Variants in LPIN1 observed in about 807,000 individuals in gnomAD.
The protein encoded by LPIN1 is lipin 1, also known as phosphatidate phosphatase LPIN1.
In LPIN1, 71 loss-of-function variants were observed where a neutral mutation model predicts 107.5. The ratio of observed to expected loss-of-function variants is 0.66; its 90% CI spans 0.55 to 0.80. The LOEUF is 0.80. Among genes scored for constraint, LPIN1 ranks in the 30% least tolerant of loss-of-function variants. LPIN1 has a pLI of 0.00. For synonymous variants in LPIN1, 445 were observed against 452.6 expected (o/e 0.98, Z 0.21); for missense variants, 1,043 against 1,160.6 (o/e 0.90, Z 1.47).
At chr2:11,719,982 C>T (rs868294640), upstream of LPIN1, among the ~76,000 whole-genome samples, 12 of 151,886 alleles carry the variant, frequency 7.9e-5, no homozygotes, top group South Asian at 2.1e-3. Flanking sequence ...ATTTCCAATC[C>T]TCCCTTTTAT....
chr2:11,775,972 C>T, intron 5 of LPIN1, 114 bp from the exon 6 acceptor site: 1 of 268,988 alleles, frequency 3.7e-6, no homozygotes, highest in Admixed American at 5.2e-5. Context: ...TTTATATAAT[C>T]TTATATATAA....
chr2:11,746,605 C>T (rs1362417334), upstream of LPIN1: 5 of 985,026 alleles, frequency 5.1e-6, no homozygotes, highest in Admixed American at 1.8e-4. Flanking sequence ...CGAAGGCGAG[C>T]TGCGCTGACA....
intron 1 of LPIN1, among the ~76,000 whole-genome samples, chr2:11,759,980 G>A (rs1201530344): frequency 9.0e-5 from 11 of 122,664 alleles, no homozygotes; most frequent in East Asian, 5.2e-4. Context: ...GCTGCCGGGC[G>A]GAGGGGCTCC....
At chr2:11,787,465 G>A (rs992440276) in intron 11 of LPIN1, among the ~76,000 whole-genome samples, 1 of 136,624 alleles carries the variant, frequency 7.3e-6, no homozygotes, top group African/African-American at 2.9e-5. Flanking sequence ...CAGTGGTGCA[G>A]TTGTAGCTCA....
chr2:11,706,831 T>C (rs937204477), intron 1 of LPIN1, among the ~76,000 whole-genome samples: 1 of 152,162 alleles, frequency 6.6e-6, no homozygotes. Context: ...CTAAAAGATG[T>C]TTCTAGGTAA....
rs1451502638 is a variant in LPIN1 at position 11,765,456 on chromosome 2, G to T, written c.-9-77G>T. Reference sequence around the variant, plus strand: ...GTGTGTAATCCACGTTTTTGAAATGGTGAGGAGTTCATTTTGATTGGCTCT... The same window carrying T: ...GTGTGTAATCCACGTTTTTGAAATGTTGAGGAGTTCATTTTGATTGGCTCT... On this transcript the variant is annotated intron_variant, in intron 1 of 20. Coordinates refer to ENST00000674199, the MANE Select transcript of LPIN1 (RefSeq NM_001349206.2). The surrounding 1 kb of genome is among the most constrained non-coding windows in gnomAD (Gnocchi z 4.4). 10 of 1,362,290 alleles carry T rather than the reference G, an allele frequency of 7.3e-6. No homozygotes were observed. The highest frequency in any genetic ancestry group is 2.9e-5 in the African/African-American group (2 of 69,592). The allele number at this position is 1,362,290 out of a possible 1,614,324, so 84.4% of individuals were successfully genotyped here.
chr2:11,706,312 G>A, intron 1 of LPIN1, among the ~76,000 whole-genome samples: 1 of 152,206 alleles, frequency 6.6e-6, no homozygotes, highest in East Asian at 1.9e-4. Context: ...CCCATTAGGA[G>A]GCAGGCAGAA....
Position 11,784,802 on chromosome 2 carries a change from G to A in LPIN1, c.1359-84G>A, listed in dbSNP as rs796607807. 2.6e-5 allele frequency: 34 copies of A among 1,316,098 alleles called. No homozygotes were observed. The African/African-American group carries it at 4.5e-4, about 17-fold the overall frequency. 81.5% of individuals were successfully genotyped at this position (1,316,098 alleles called of 1,614,324 possible). A position where few individuals can be genotyped will look rare whatever the true frequency, so the allele number is the denominator to read the frequency against. On this transcript the variant is annotated intron_variant, in intron 9 of 20. Transcript: ENST00000674199. ...CGTCTGCGGCTCTGAGGGTGGCCGC[G>A]TGCCAGAGCATCACTGGATGGTGAT...
chr2:11,791,694 A>G, intron 12 of LPIN1: 5 of 1,386,220 alleles, frequency 3.6e-6, no homozygotes, highest in Non-Finnish European at 4.8e-6. Flanking sequence ...TTATTCCTTT[A>G]ACATCTTCTT....
chr2:11,795,594 G>T (rs1044566564), intron 14 of LPIN1, 107 bp downstream of exon 14: 9 of 1,041,120 alleles, frequency 8.6e-6, no homozygotes, highest in Non-Finnish European at 9.0e-6. Context: ...TCCAACTCTG[G>T]CTCTGTGATT....
intron 1 of LPIN1, among the ~76,000 whole-genome samples, chr2:11,725,199 T>G (rs1664498485): frequency 1.3e-5 from 2 of 152,204 alleles, no homozygotes; most frequent in South Asian, 4.1e-4. Context: ...AGGCAGAGCC[T>G]GCATTGAGCT....
intron 1 of LPIN1, among the ~76,000 whole-genome samples, chr2:11,740,497 A>G (rs1666230339): frequency 6.6e-6 from 1 of 151,998 alleles, no homozygotes; most frequent in Non-Finnish European, 1.5e-5. Flanking sequence ...CCTAAGCAAC[A>G]TGGCGAAACC....
intron 1 of LPIN1, among the ~76,000 whole-genome samples, chr2:11,680,144 G>A (rs1661634957): frequency 6.6e-6 from 1 of 152,206 alleles, no homozygotes; most frequent in Admixed American, 6.5e-5. Flanking sequence ...GGAGATGTGG[G>A]TGGGAGAGGT....
At position 11,791,351 on chromosome 2, in the gene LPIN1, TTTAATCTCCCCA is replaced by T. The variant is rs1675688131; in HGVS notation, c.1714-558_1714-547del. 3.3e-5 allele frequency among the ~76,000 whole-genome samples: 5 copies of T among 152,336 alleles called. No homozygotes were observed. In the South Asian group the frequency reaches 1.0e-3, roughly 32 times the overall value. ...AAACGTAGAAAATTATCAATTCATA[TTTAATCTCCCCA>T]TTAAACCCATTTACCTAAAAGTATG... On this transcript the variant is annotated intron_variant, in intron 12 of 20. Coordinates refer to ENST00000674199, the MANE Select transcript of LPIN1 (RefSeq NM_001349206.2).
At chr2:11,782,812 T>G (rs1455725957) in intron 8 of LPIN1, among the ~76,000 whole-genome samples, 2 of 152,230 alleles carry the variant, frequency 1.3e-5, no homozygotes, top group Non-Finnish European at 2.9e-5. Context: ...GTGTGACTTT[T>G]ATAAAGCTGA....
intron 5 of LPIN1, 78 bp from the exon 6 acceptor site, chr2:11,776,008 A>C (rs1672623059): frequency 1.7e-6 from 1 of 593,624 alleles, no homozygotes; most frequent in South Asian, 2.2e-5. Context: ...TATTACATAT[A>C]CTTTATATAA....
chr2:11,703,208 C>T (rs148700878), intron 1 of LPIN1, among the ~76,000 whole-genome samples: 157 of 152,184 alleles, frequency 1.0e-3, no homozygotes, highest in Non-Finnish European at 1.6e-3. Context: ...TGTATCTGAC[C>T]CACCATGGAA....
chr2:11,767,728 A>G, intron 2 of LPIN1, 35 bp from the exon 3 acceptor site: 2 of 1,368,346 alleles, frequency 1.5e-6, no homozygotes, highest in Non-Finnish European at 2.1e-6. Context: ...TGGTGAAGGC[A>G]GTTCATTCTT....
intron 1 of LPIN1, among the ~76,000 whole-genome samples, chr2:11,740,844 G>C (rs1256205057): frequency 6.6e-6 from 1 of 152,144 alleles, no homozygotes; most frequent in Non-Finnish European, 1.5e-5. Context: ...AAATAAACAA[G>C]TGAAAACCCA....
Sources: gnomAD v4.1 joint callset for allele counts (sites outside exome capture counted in the v4.1 genomes callset) on GRCh38, gnomAD v4.1.1 for gene constraint, Gnocchi (gnomAD v3.1) non-coding constraint, MANE v1.5 for transcripts, NCBI Gene and HGNC (gene_info 2026-07-23, HGNC 2026-07-21) for gene names.